The following PARP11 variants were observed in gnomAD, a reference collection of about 807,000 sequenced individuals.
PARP11 encodes protein mono-ADP-ribosyltransferase PARP11.
PARP11 carries 31 observed loss-of-function variants against 42.9 expected under a neutral mutation model. That is an observed-to-expected ratio of 0.72 (90% CI 0.54 to 0.98). The LOEUF (loss-of-function observed/expected upper bound fraction) is 0.98, where lower values mean the gene tolerates loss of function less well. PARP11 is among the 50% of genes least tolerant of loss of function. The pLI is 0.00. For missense variants in PARP11, 365 were observed against 413.1 expected, an observed-to-expected ratio of 0.88 and a Z score of 1.01; for synonymous variants, 137 against 127.3, an observed-to-expected ratio of 1.08 and a Z score of -0.51.
intron 7 of PARP11, among the ~76,000 whole-genome samples, chr12:3,813,015 G>C (rs1947215842): frequency 6.6e-6 from 1 of 152,124 alleles, no homozygotes; most frequent in Non-Finnish European, 1.5e-5. Flanking sequence ...ATGTTGGCCA[G>C]GCTGATCTTG....
Position 3,821,757 on chromosome 12 carries a change from C to T in PARP11, c.548+116G>A, listed in dbSNP as rs527514261. On this transcript the variant is annotated intron_variant, in intron 6 of 7. Transcript: ENST00000228820. Reference sequence around the variant, plus strand: ...AGAGCCTTGAGACCAGGTCAAAATACGGCAAGAGAAAAACAGCATGTCTAC... The same window carrying T: ...AGAGCCTTGAGACCAGGTCAAAATATGGCAAGAGAAAAACAGCATGTCTAC... 4.1e-5 allele frequency: 45 copies of T among 1,103,074 alleles called. 1 individual carries two copies. In the African/African-American group the frequency reaches 4.9e-4, roughly 12 times the overall value. The allele number at this position is 1,103,074 out of a possible 1,614,324, so 68.3% of individuals were successfully genotyped here. A position where few individuals can be genotyped will look rare whatever the true frequency, so the allele number is the denominator to read the frequency against.
intron 6 of PARP11, among the ~76,000 whole-genome samples, chr12:3,817,792 T>G (rs1947321431): frequency 6.6e-6 from 1 of 152,192 alleles, no homozygotes; most frequent in Non-Finnish European, 1.5e-5. Context: ...TAAATTTGCC[T>G]AGATTTAGAA....
At chr12:3,818,792 T>G (rs1947340499) in intron 6 of PARP11, among the ~76,000 whole-genome samples, 1 of 152,238 alleles carries the variant, frequency 6.6e-6, no homozygotes. Context: ...TGGCACCTAC[T>G]TGTGTAAACC....
intron 1 of PARP11, among the ~76,000 whole-genome samples, chr12:3,869,701 T>C (rs1002877589): frequency 6.6e-6 from 1 of 152,156 alleles, no homozygotes; most frequent in African/African-American, 2.4e-5. Context: ...TAGTATTAGC[T>C]CCCCCTACAC....
At chr12:3,842,595 T>C (rs1947913956) in intron 1 of PARP11, 2 of 973,636 alleles carry the variant, frequency 2.1e-6, no homozygotes, top group Admixed American at 4.4e-5. Context: ...TACAATAAAG[T>C]AAAAACCCCA....
intron 1 of PARP11, among the ~76,000 whole-genome samples, chr12:3,844,298 TGAAAG>T (rs992378299): frequency 6.6e-6 from 1 of 152,222 alleles, no homozygotes; most frequent in African/African-American, 2.4e-5. Context: ...GAGAATCTAT[TGAAAG>T]GAATTTGTTG....
rs555303948 is a variant in PARP11, at chr12:3,873,334, G to T, written c.-105C>A. 4 of 1,092,756 alleles carry T rather than the reference G, an allele frequency of 3.7e-6. No individual in the cohort carries two copies. Among genetic ancestry groups the T allele is most frequent in the East Asian group, 5.2e-5 (2 of 38,826 alleles). The allele number at this position is 1,092,756 out of a possible 1,614,324, so 67.7% of individuals were successfully genotyped here. ...CGCGGGTCCCCGGGAGCGAAGGGAC[G>T]GAGATGCAACCTTTACGAAGGCCTT... On this transcript the variant is annotated 5_prime_UTR_variant, in exon 1 of 8. Coordinates refer to ENST00000228820, the MANE Select transcript of PARP11 (RefSeq NM_020367.6).
At chr12:3,848,748 G>T (rs1436275220) in intron 1 of PARP11, among the ~76,000 whole-genome samples, 1 of 152,090 alleles carries the variant, frequency 6.6e-6, no homozygotes, top group African/African-American at 2.4e-5. Flanking sequence ...GTCTGGGCAA[G>T]ATTTTTTGTG....
chr12:3,845,354 A>T (rs1947976957), intron 1 of PARP11, among the ~76,000 whole-genome samples: 1 of 152,174 alleles, frequency 6.6e-6, no homozygotes, highest in African/African-American at 2.4e-5. Context: ...ATGCCGATAT[A>T]TCTTATTTAA....
At position 3,822,578 on chromosome 12, in the gene PARP11, G is replaced by A. The variant is rs562970837; in HGVS notation, c.345-421C>T. ...TGCGCCACTGCACTCCAGCCTGGGCGACAGGGCGAGACTCCGTCTCAAAAA... is the reference window on the plus strand; with the variant it reads ...TGCGCCACTGCACTCCAGCCTGGGCAACAGGGCGAGACTCCGTCTCAAAAA... On this transcript the variant is annotated intron_variant, in intron 4 of 7. Coordinates refer to ENST00000228820, the MANE Select transcript of PARP11 (RefSeq NM_020367.6). Among the ~76,000 whole-genome samples the A allele has an allele frequency of 2.7e-3, 396 of 145,012 alleles. 1 individual carries two copies. Among genetic ancestry groups the A allele is most frequent in the Admixed American group, 1.8e-3 (26 of 14,340 alleles).
At position 3,812,888 on chromosome 12, in the gene PARP11, C is replaced by T. The variant is rs981492299; in HGVS notation, c.701-449G>A. Among the ~76,000 whole-genome samples, 18 of 152,128 alleles carry T rather than the reference C, an allele frequency of 1.2e-4. 1 individual carries two copies. Among genetic ancestry groups the T allele is most frequent in the South Asian group, 4.1e-4 (2 of 4,830 alleles). ...CGCGATCTCAGCTCACTGCAACCTC[C>T]GCCTCCCAGGTTCAAGCGATTCTCC... On this transcript the variant is annotated intron_variant, in intron 7 of 7. Transcript: ENST00000228820.
At chr12:3,813,084 C>T (rs1454274278) in intron 7 of PARP11, among the ~76,000 whole-genome samples, 5 of 152,266 alleles carry the variant, frequency 3.3e-5, no homozygotes, top group South Asian at 2.1e-4. Flanking sequence ...GGATTACAGG[C>T]GTGAGCCACC....
chr12:3,868,957 C>G (rs890800548), intron 1 of PARP11, among the ~76,000 whole-genome samples: 6 of 152,166 alleles, frequency 3.9e-5, no homozygotes, highest in African/African-American at 1.4e-4. Flanking sequence ...GAGTTTGATT[C>G]CCTTCTAAAG....
At chr12:3,841,162 C>T (rs1947881133) in intron 1 of PARP11, 2 of 1,590,948 alleles carry the variant, frequency 1.3e-6, no homozygotes, top group Admixed American at 1.7e-5. Flanking sequence ...TTATCAAGAC[C>T]CACTCTATCC....
chr12:3,830,607 A>C (rs1947619471), intron 1 of PARP11, among the ~76,000 whole-genome samples: 1 of 152,174 alleles, frequency 6.6e-6, no homozygotes, highest in South Asian at 2.1e-4. Context: ...TATATATAAC[A>C]ATCTACCACC....
chr12:3,841,966 C>T, intron 1 of PARP11: 1 of 1,609,982 alleles, frequency 6.2e-7, no homozygotes, highest in South Asian at 1.1e-5. Context: ...GAGCAGTAAG[C>T]CAGACGAAGG....
intron 1 of PARP11, among the ~76,000 whole-genome samples, chr12:3,859,605 C>A (rs1045107553): frequency 3.4e-4 from 51 of 148,676 alleles, no homozygotes; most frequent in African/African-American, 1.2e-3. Context: ...ATATAACATG[C>A]AATTAAATAA....
chr12:3,842,528 C>G (rs1268625728), intron 1 of PARP11: 7 of 1,542,138 alleles, frequency 4.5e-6, no homozygotes, highest in Non-Finnish European at 6.2e-6. Flanking sequence ...CGGTTGTTGC[C>G]GAAGTATTTT....
chr12:3,847,212 T>A (rs980197275), intron 1 of PARP11, among the ~76,000 whole-genome samples: 1 of 152,206 alleles, frequency 6.6e-6, no homozygotes, highest in Non-Finnish European at 1.5e-5. Context: ...GCTCAGGACC[T>A]GATGGCTTCA....
Sources: gnomAD v4.1 joint callset for allele counts (sites outside exome capture counted in the v4.1 genomes callset) on GRCh38, gnomAD v4.1.1 for gene constraint, MANE v1.5 for transcripts, NCBI Gene and HGNC (gene_info 2026-07-23, HGNC 2026-07-21) for gene names.